LRCH1: variants seen among roughly 807,000 people sequenced by gnomAD.
The protein encoded by LRCH1 is leucine-rich repeat and calponin homology domain-containing protein 1.
LRCH1 carries 23 observed loss-of-function variants against 94.9 expected under a neutral mutation model. That is an observed-to-expected ratio of 0.24 (90% CI 0.17 to 0.34). The LOEUF is 0.34. LRCH1 is among the 10% of genes least tolerant of loss of function. The pLI is 1.00. For synonymous variants in LRCH1, 364 were observed against 354.9 expected, an observed-to-expected ratio of 1.03 and a Z score of -0.29; for missense variants, 790 against 945.9, an observed-to-expected ratio of 0.84 and a Z score of 2.16.
intron 11 of LRCH1, among the ~76,000 whole-genome samples, chr13:46,702,157 G>A (rs1871510414): frequency 6.6e-6 from 1 of 152,074 alleles, no homozygotes; most frequent in African/African-American, 2.4e-5. Context: ...ACAAGACACA[G>A]CTCTTGCTTT....
At chr13:46,700,564 A>G (rs968638023) in intron 10 of LRCH1, among the ~76,000 whole-genome samples, 2 of 152,244 alleles carry the variant, frequency 1.3e-5, no homozygotes, top group African/African-American at 4.8e-5. Flanking sequence ...GTAAAGGATT[A>G]TCTGTAGAGC....
chr13:46,751,719 T>C (rs1874149103), exon 19 of LRCH1: 3 of 152,184 alleles, frequency 2.0e-5, no homozygotes, highest in African/African-American at 7.2e-5. Flanking sequence ...AGGTAGATAA[T>C]GAAGAAATGG....
intron 1 of LRCH1, among the ~76,000 whole-genome samples, chr13:46,590,852 C>T (rs1234050072): frequency 6.6e-6 from 1 of 152,156 alleles, no homozygotes; most frequent in Non-Finnish European, 1.5e-5. Context: ...TTCATATATT[C>T]CCAAGTGAAG....
At chr13:46,656,265 G>C (rs1014688481) in intron 2 of LRCH1, among the ~76,000 whole-genome samples, 3 of 152,180 alleles carry the variant, frequency 2.0e-5, no homozygotes, top group African/African-American at 7.2e-5. Context: ...CTTACTTGTA[G>C]AAGAAATGTC....
chr13:46,740,220 G>A (rs1197233117), intron 19 of LRCH1, among the ~76,000 whole-genome samples: 1 of 152,148 alleles, frequency 6.6e-6, no homozygotes, highest in Non-Finnish European at 1.5e-5. Flanking sequence ...CAATTTATGT[G>A]TAGCTGTTTT....
At chr13:46,670,249 A>G (rs1359951071) in intron 3 of LRCH1, among the ~76,000 whole-genome samples, 1 of 152,246 alleles carries the variant, frequency 6.6e-6, no homozygotes, top group African/African-American at 2.4e-5. Context: ...CATTCCAGCT[A>G]GCTCACACCA....
At chr13:46,693,092 C>T (rs1870993674) in intron 8 of LRCH1, among the ~76,000 whole-genome samples, 1 of 151,990 alleles carries the variant, frequency 6.6e-6, no homozygotes, top group Admixed American at 6.6e-5. Flanking sequence ...CTGCCTCAGC[C>T]TCCCGAGTAG....
intron 17 of LRCH1, among the ~76,000 whole-genome samples, chr13:46,728,306 C>A (rs546737654): frequency 8.6e-4 from 131 of 152,254 alleles, no homozygotes; most frequent in African/African-American, 3.0e-3. Flanking sequence ...ACCTCCGCCT[C>A]CTGGGTTCAA....
intron 1 of LRCH1, among the ~76,000 whole-genome samples, chr13:46,606,764 G>T (rs1309622211): frequency 6.6e-6 from 1 of 152,114 alleles, no homozygotes; most frequent in Non-Finnish European, 1.5e-5. Context: ...TAGAGATGGG[G>T]TTTCACCATG....
chr13:46,721,296 CAAAGA>C (rs1271790147), intron 16 of LRCH1, among the ~76,000 whole-genome samples: 1 of 152,126 alleles, frequency 6.6e-6, no homozygotes, highest in Non-Finnish European at 1.5e-5. Flanking sequence ...GTAACAGCTC[CAAAGA>C]AAACATTCGA....
intron 10 of LRCH1, among the ~76,000 whole-genome samples, chr13:46,700,707 A>G (rs1177386233): frequency 6.6e-6 from 1 of 152,192 alleles, no homozygotes; most frequent in African/African-American, 2.4e-5. Context: ...GAAACCCTAT[A>G]TGCATGAAAG....
chr13:46,637,479 C>T (rs2051106028), intron 1 of LRCH1, among the ~76,000 whole-genome samples: 1 of 152,186 alleles, frequency 6.6e-6, no homozygotes, highest in South Asian at 2.1e-4. Flanking sequence ...ATTTTCTCAC[C>T]CTTGTCCCCT....
In LRCH1 at chr13:46,711,830, T is replaced by C. The variant is rs1235909985; in HGVS notation, c.1567T>C (p.Tyr523His). 6.2e-7 allele frequency: 1 copy of C among 1,613,284 alleles called. No homozygotes were observed. The stretch of plus-strand genomic sequence containing the variant: ...AACATTACAGAGTAACGGGAGCCAG[T>C]ATTCTCCAAATGAGGTAAGTTTCTT... ...DLTLQSNGSQYSPNEIRENSP... is the reference protein window; with the variant it reads ...DLTLQSNGSQHSPNEIRENSP... Residue 523 changes from tyrosine (Y) to histidine (H), a missense_variant, in exon 14 of 20, where the codon TAT (tyrosine) becomes CAT (histidine). Tyr to His is a moderately conservative substitution (Grantham distance 83). Around this residue, in one of 3 missense-constraint regions of LRCH1, gnomAD observed 460 missense variants for 508.9 expected, o/e 0.90. Coordinates refer to ENST00000389797, the MANE Select transcript of LRCH1 (RefSeq NM_001164211.2).
At chr13:46,750,604 T>C in exon 19 of LRCH1, 4 of 1,552,076 alleles carry the variant, frequency 2.6e-6, no homozygotes, top group African/African-American at 1.4e-5. Flanking sequence ...GGCATTACCA[T>C]TCAAGCATTA....
intron 9 of LRCH1, among the ~76,000 whole-genome samples, chr13:46,697,604 A>G (rs181241127): frequency 6.6e-6 from 1 of 152,304 alleles, no homozygotes; most frequent in African/African-American, 2.4e-5. Flanking sequence ...GAAAAAGGAC[A>G]CTTATTTACA....
Position 46,606,526 on chromosome 13 carries a change from A to C in LRCH1, c.308-43675A>C, listed in dbSNP as rs114669495. Among the ~76,000 whole-genome samples the C allele has an allele frequency of 3.9e-3, 598 of 152,242 alleles. 5 individuals carry two copies. Among genetic ancestry groups the C allele is most frequent in the African/African-American group, 0.014 (580 of 41,534 alleles). ...TTTAACTTACAGAGATGACTGAATG[A>C]TGACACAGAGGGGACAAGTCCATTG... On this transcript the variant is annotated intron_variant, in intron 1 of 19. Transcript: ENST00000389797.
chr13:46,575,129 A>T (rs1367106031), intron 1 of LRCH1, among the ~76,000 whole-genome samples: 1 of 152,190 alleles, frequency 6.6e-6, no homozygotes, highest in African/African-American at 2.4e-5. Context: ...TTTAGGGTCC[A>T]GCCTTCCTTT....
Position 46,553,650 on chromosome 13 carries a change from A to T in LRCH1, c.254A>T (p.Glu85Val). 1 of 1,607,786 alleles carries T rather than the reference A, an allele frequency of 6.2e-7. No individual in the cohort carries two copies. The highest frequency in any genetic ancestry group is 8.5e-7 in the Non-Finnish European group (1 of 1,177,948). The change falls in exon 1 of 20, where the codon GAA (glutamate) becomes GTA (valine). Residue 85 changes from glutamate to valine, a missense_variant. By Grantham distance (121) the Glu-to-Val change is moderately radical. Transcript: ENST00000389797. ...GLNLSARKLK[E>V]FPRTAAPGHD... ...AACCTGAGCGCCAGGAAATTGAAGG[A>T]ATTTCCCCGTACCGCAGCCCCCGGG...
At chr13:46,695,158 C>T (rs780670613) in intron 9 of LRCH1, 141 bp downstream of exon 9, 17 of 970,498 alleles carry the variant, frequency 1.8e-5, no homozygotes, top group Admixed American at 2.4e-5. Flanking sequence ...AACATCTCAG[C>T]GCTCAGCGTG....
Sources: allele counts gnomAD v4.1 joint callset (sites outside exome capture counted in the v4.1 genomes callset), GRCh38; gene constraint gnomAD v4.1.1; regional missense constraint gnomAD v4.1.1; transcripts MANE v1.5; gene names NCBI Gene and HGNC (gene_info 2026-07-23, HGNC 2026-07-21).